The following GRAMD1B variants were observed in gnomAD, a reference collection of about 807,000 sequenced individuals.
The protein encoded by GRAMD1B is protein Aster-B.
Under a neutral mutation model 99.7 loss-of-function variants are expected in GRAMD1B, and 37 were observed. The observed-to-expected ratio is 0.37, with a 90% CI of 0.29 to 0.49. GRAMD1B has a LOEUF of 0.49. Among genes scored for constraint, GRAMD1B ranks in the 20% least tolerant of loss-of-function variants. GRAMD1B has a pLI of 0.98. For synonymous variants in GRAMD1B, 427 were observed against 387.6 expected (o/e 1.10, Z -1.19); for missense variants, 888 against 1,009.2 (o/e 0.88, Z 1.63).
chr11:123,494,391 T>C (rs150306748), intron 2 of GRAMD1B, among the ~76,000 whole-genome samples: 1 of 152,114 alleles, frequency 6.6e-6, no homozygotes, highest in East Asian at 1.9e-4. Context: ...GGGGGTCACA[T>C]GGTCTTGTGG....
chr11:123,549,230 T>C (rs1257949250), intron 2 of GRAMD1B, among the ~76,000 whole-genome samples: 1 of 152,082 alleles, frequency 6.6e-6, no homozygotes, highest in East Asian at 1.9e-4. Flanking sequence ...TTCTTAACAC[T>C]TGCAGAGCTG....
intron 1 of GRAMD1B, among the ~76,000 whole-genome samples, chr11:123,417,889 T>C (rs1223734627): frequency 2.0e-5 from 3 of 152,200 alleles, no homozygotes; most frequent in Non-Finnish European, 4.4e-5. Context: ...GAGCAACCTG[T>C]AGCTGTGGCT....
rs543011753 is a variant in GRAMD1B, at chr11:123,408,177, G to A, written c.-176+49378G>A. Reference sequence around the variant, plus strand: ...CACTGTCCCACTGTGTAAACTTGACGGAATAATCAGCTTTTGTGGACTTAA... The same window carrying A: ...CACTGTCCCACTGTGTAAACTTGACAGAATAATCAGCTTTTGTGGACTTAA... On this transcript the variant is annotated intron_variant, in intron 1 of 20. Transcript: ENST00000638157. 9.2e-5 allele frequency among the ~76,000 whole-genome samples: 14 copies of A among 152,304 alleles called. No homozygotes were observed. In the East Asian group the frequency reaches 9.6e-4, roughly 10 times the overall value.
At chr11:123,390,513 C>A (rs1424540973) in intron 1 of GRAMD1B, among the ~76,000 whole-genome samples, 3 of 152,168 alleles carry the variant, frequency 2.0e-5, no homozygotes, top group African/African-American at 7.2e-5. Context: ...GAGTTTTTAT[C>A]TTTGTAATGA....
intron 1 of GRAMD1B, among the ~76,000 whole-genome samples, chr11:123,385,830 A>G (rs533189054): frequency 6.6e-5 from 10 of 152,274 alleles, no homozygotes; most frequent in Admixed American, 6.5e-4. Flanking sequence ...TGGTTGCTGG[A>G]GATCGGAGGT....
At chr11:123,454,628 T>C (rs1266367449) in intron 1 of GRAMD1B, 2 of 152,244 alleles carry the variant, frequency 1.3e-5, no homozygotes, top group Non-Finnish European at 2.9e-5. Flanking sequence ...AATGGCTTCA[T>C]GAAACTTTGA....
At chr11:123,433,731 A>C (rs1252442987) in intron 1 of GRAMD1B, among the ~76,000 whole-genome samples, 1 of 151,798 alleles carries the variant, frequency 6.6e-6, no homozygotes, top group Non-Finnish European at 1.5e-5. Context: ...TGTATGAAGA[A>C]AAAAATCTTG....
intron 1 of GRAMD1B, among the ~76,000 whole-genome samples, chr11:123,450,170 C>T (rs549778956): frequency 1.3e-5 from 2 of 152,226 alleles, no homozygotes; most frequent in African/African-American, 4.8e-5. Context: ...GGACCCAGGG[C>T]CCTGGTATAG....
At chr11:123,546,787 G>A (rs1945079607) in intron 2 of GRAMD1B, among the ~76,000 whole-genome samples, 1 of 152,168 alleles carries the variant, frequency 6.6e-6, no homozygotes, top group Non-Finnish European at 1.5e-5. Flanking sequence ...GACTACAAAT[G>A]TCAGCATACA....
intron 2 of GRAMD1B, among the ~76,000 whole-genome samples, chr11:123,486,317 G>A (rs1258124023): frequency 3.9e-5 from 6 of 152,140 alleles, no homozygotes; most frequent in Admixed American, 6.5e-5. Context: ...GGAGGCCGAC[G>A]TGGGTGGATT....
rs72552187 is a variant in GRAMD1B at position 123,627,641 on chromosome 11, G to C, written c.*5046G>C. 8 of 152,254 alleles carry C rather than the reference G, an allele frequency of 5.3e-5. No homozygotes were observed. 9.4% of individuals were successfully genotyped at this position (152,254 alleles called of 1,614,324 possible). On this transcript the variant is annotated 3_prime_UTR_variant, in exon 20 of 20. Transcript: ENST00000635736. The stretch of plus-strand genomic sequence containing the variant: ...AACTGTACTTTGCCTGGCGCTGTGC[G>C]CAAGGTCAGAAAACTTACTGCTAGT...
chr11:123,494,106 T>C (rs1938928901), intron 2 of GRAMD1B, among the ~76,000 whole-genome samples: 1 of 152,336 alleles, frequency 6.6e-6, no homozygotes, highest in Admixed American at 6.5e-5. Flanking sequence ...TTTGTTTTAT[T>C]GTGTCCGCAA....
At chr11:123,516,373 G>T (rs1005240047) in intron 2 of GRAMD1B, among the ~76,000 whole-genome samples, 1 of 152,186 alleles carries the variant, frequency 6.6e-6, no homozygotes, top group East Asian at 1.9e-4. Flanking sequence ...ACCTTAGGGC[G>T]CTGTTGAGAA....
intron 1 of GRAMD1B, among the ~76,000 whole-genome samples, chr11:123,457,741 G>A (rs1254914947): frequency 6.6e-6 from 1 of 152,058 alleles, no homozygotes; most frequent in Non-Finnish European, 1.5e-5. Flanking sequence ...TTTTGAGATG[G>A]GGTCTCACTC....
rs1452688501 is a variant in GRAMD1B, at chr11:123,610,218, A to G, written c.1799A>G (p.Glu600Gly). ...ETQTMYKASQESECYVIDAEV... is the reference protein window; with the variant it reads ...ETQTMYKASQGSECYVIDAEV... ...CAGACCATGTACAAGGCGAGCCAGGAGAGTGAATGTTACGTGATAGATGCC... is the reference window on the plus strand; with the variant it reads ...CAGACCATGTACAAGGCGAGCCAGGGGAGTGAATGTTACGTGATAGATGCC... Residue 600 changes from glutamate to glycine, a missense_variant, in exon 14 of 20, where the codon GAG becomes GGG. By Grantham distance (98) the Glu-to-Gly change is moderately conservative. Transcript: ENST00000635736. The surrounding 1 kb of genome is among the most constrained non-coding windows in gnomAD (Gnocchi z 4.1). 1 of 1,613,786 alleles carries G rather than the reference A, an allele frequency of 6.2e-7. No individual in the cohort carries two copies. The highest frequency in any genetic ancestry group is 8.5e-7 in the Non-Finnish European group (1 of 1,179,842).
chr11:123,403,265 A>T (rs1947730643), intron 1 of GRAMD1B, among the ~76,000 whole-genome samples: 2 of 151,740 alleles, frequency 1.3e-5, no homozygotes, highest in Admixed American at 1.3e-4. Flanking sequence ...TCTCTACTAA[A>T]ATTACAAAAA....
At chr11:123,609,127 A>C (rs962717676) in intron 12 of GRAMD1B, among the ~76,000 whole-genome samples, 2 of 152,064 alleles carry the variant, frequency 1.3e-5, no homozygotes, top group African/African-American at 4.8e-5. Context: ...ACTCGCTGGC[A>C]GCACCCACTC....
chr11:123,556,826 G>T (rs1028845482), intron 2 of GRAMD1B, among the ~76,000 whole-genome samples: 1 of 152,204 alleles, frequency 6.6e-6, no homozygotes, highest in Non-Finnish European at 1.5e-5. Flanking sequence ...CCTGCTCTTG[G>T]ATCAGCTGGT....
At chr11:123,432,055 G>A (rs1387645466) in intron 1 of GRAMD1B, 9 of 398,656 alleles carry the variant, frequency 2.3e-5, no homozygotes, top group East Asian at 2.1e-4. Context: ...CTTGTGCGGA[G>A]CAACTGAGTC....
Sources: allele counts gnomAD v4.1 joint callset (sites outside exome capture counted in the v4.1 genomes callset), GRCh38; gene constraint gnomAD v4.1.1; non-coding constraint Gnocchi (gnomAD v3.1); transcripts MANE v1.5; gene names NCBI Gene and HGNC (gene_info 2026-07-23, HGNC 2026-07-21).